Variants in ZHX3 observed in about 807,000 individuals in gnomAD.
ZHX3 encodes the protein zinc fingers and homeoboxes protein 3.
Under a neutral mutation model 64.5 loss-of-function variants are expected in ZHX3, and 20 were observed. The ratio of observed to expected loss-of-function variants is 0.31; its 90% CI spans 0.22 to 0.45. ZHX3 has a LOEUF of 0.45. Among genes scored for constraint, ZHX3 ranks in the 20% least tolerant of loss-of-function variants. The probability of loss-of-function intolerance (pLI) is 1.00; values close to 1 mark genes in which losing one functional copy is unlikely to be tolerated. For synonymous variants in ZHX3, 423 were observed against 461.6 expected, an observed-to-expected ratio of 0.92 and a Z score of 1.07; for missense variants, 1,041 against 1,195.8, an observed-to-expected ratio of 0.87 and a Z score of 1.91.
Position 41,184,311 on chromosome 20 carries a change from C to T in ZHX3, c.*880G>A, listed in dbSNP as rs1267588068. The T allele has an allele frequency of 6.6e-6, 1 of 151,610 alleles. No homozygotes were observed. The highest frequency in any genetic ancestry group is 1.5e-5 in the Non-Finnish European group (1 of 67,766). The allele number at this position is 151,610 out of a possible 1,614,324, so 9.4% of individuals were successfully genotyped here. Reference sequence around the variant, plus strand: ...TACCCCATGTCTTTTTTCCATCTTTCTCTCACTCCAAACATGTCTAGATTA... The same window carrying T: ...TACCCCATGTCTTTTTTCCATCTTTTTCTCACTCCAAACATGTCTAGATTA... On this transcript the variant is annotated 3_prime_UTR_variant, in exon 4 of 4. Transcript: ENST00000683867.
At chr20:41,284,048 T>A (rs1240829738) in intron 1 of ZHX3, among the ~76,000 whole-genome samples, 1 of 152,194 alleles carries the variant, frequency 6.6e-6, no homozygotes, top group Non-Finnish European at 1.5e-5. Flanking sequence ...TAAACAAAAA[T>A]GTCTTTTTCT....
chr20:41,208,221 G>A (rs2038883214), intron 2 of ZHX3, among the ~76,000 whole-genome samples: 1 of 152,134 alleles, frequency 6.6e-6, no homozygotes, highest in South Asian at 2.1e-4. Context: ...ACCAAAAGAA[G>A]TCCAGGACCA....
At chr20:41,268,712 G>T (rs2042982175) in intron 2 of ZHX3, among the ~76,000 whole-genome samples, 1 of 152,166 alleles carries the variant, frequency 6.6e-6, no homozygotes, top group Non-Finnish European at 1.5e-5. Flanking sequence ...ATACTCTTAT[G>T]ATCTCAATGG....
At chr20:41,192,862 G>A (rs753258802) in intron 3 of ZHX3, among the ~76,000 whole-genome samples, 10 of 152,166 alleles carry the variant, frequency 6.6e-5, no homozygotes, top group Admixed American at 1.3e-4. Context: ...TAAGTTTCAG[G>A]GACTGCAAGG....
At chr20:41,196,391 ATTT>A (rs2037517407) in intron 3 of ZHX3, among the ~76,000 whole-genome samples, 1 of 55,264 alleles carries the variant, frequency 1.8e-5, no homozygotes, top group African/African-American at 1.2e-4. Context: ...ATAAATATAT[ATTT>A]ATATATATTA....
intron 2 of ZHX3, among the ~76,000 whole-genome samples, chr20:41,216,652 GT>G: frequency 6.6e-6 from 1 of 152,196 alleles, no homozygotes; most frequent in South Asian, 2.1e-4. Context: ...ATTTCTCCAG[GT>G]TTTTAACTAT....
chr20:41,293,754 G>A (rs2044367056), intron 1 of ZHX3, among the ~76,000 whole-genome samples: 3 of 152,342 alleles, frequency 2.0e-5, no homozygotes, highest in East Asian at 1.9e-4. Flanking sequence ...ACCTGAAGAA[G>A]AGGTGACAAT....
chr20:41,314,879 C>T (rs2045241957), intron 1 of ZHX3, among the ~76,000 whole-genome samples: 2 of 152,034 alleles, frequency 1.3e-5, no homozygotes, highest in African/African-American at 2.4e-5. Flanking sequence ...TATTAAGTAC[C>T]CACAATGGGC....
At chr20:41,254,701 A>G (rs948469918) in intron 2 of ZHX3, 1 of 152,174 alleles carries the variant, frequency 6.6e-6, no homozygotes, top group African/African-American at 2.4e-5. Context: ...TATTGCTTAT[A>G]TTATTTTGCT....
chr20:41,273,397 C>A (rs1018770029), intron 1 of ZHX3, among the ~76,000 whole-genome samples: 1 of 152,036 alleles, frequency 6.6e-6, no homozygotes, highest in African/African-American at 2.4e-5. Context: ...TTTTTTCTTT[C>A]GTTGCTTGTG....
At chr20:41,259,447 T>A (rs1375616713) in intron 2 of ZHX3, among the ~76,000 whole-genome samples, 2 of 152,168 alleles carry the variant, frequency 1.3e-5, no homozygotes, top group East Asian at 3.8e-4. Context: ...CATGTAGTGC[T>A]AGTAAAAAAT....
At chr20:41,221,607 G>A (rs138673412) in intron 2 of ZHX3, among the ~76,000 whole-genome samples, 2 of 152,340 alleles carry the variant, frequency 1.3e-5, no homozygotes, top group African/African-American at 2.4e-5. Flanking sequence ...GAAATTATGT[G>A]TCAGAGCAAA....
At chr20:41,240,090 A>C (rs1346116830) in intron 2 of ZHX3, among the ~76,000 whole-genome samples, 2 of 151,818 alleles carry the variant, frequency 1.3e-5, no homozygotes, top group African/African-American at 2.4e-5. Flanking sequence ...TCTGCCTCCC[A>C]GGTTTAAGCG....
At chr20:41,257,229 G>A (rs1472502632) in intron 2 of ZHX3, among the ~76,000 whole-genome samples, 4 of 152,152 alleles carry the variant, frequency 2.6e-5, no homozygotes, top group African/African-American at 9.7e-5. Flanking sequence ...AGGCTACTAA[G>A]TGGTATCTTG....
chr20:41,212,798 A>C lies in ZHX3; in HGVS notation c.-150-7732T>G, dbSNP rs1002053989. 7.0e-6 allele frequency among the ~76,000 whole-genome samples: 1 copy of C among 143,846 alleles called. No homozygotes were observed. Among genetic ancestry groups the C allele is most frequent in the African/African-American group, 2.6e-5 (1 of 38,346 alleles). 94.4% of individuals were successfully genotyped at this position (143,846 alleles called of 152,430 possible). A position where few individuals can be genotyped will look rare whatever the true frequency, so the allele number is the denominator to read the frequency against. ...GGCAACAAGAGCTAAACTGTGTCTC[A>C]AAAAAAAAAAACCAAAAACAAAACA... On this transcript the variant is annotated intron_variant, in intron 2 of 3. Coordinates refer to ENST00000683867, the MANE Select transcript of ZHX3 (RefSeq NM_001384317.1). The surrounding 1 kb of genome is among the most constrained non-coding windows in gnomAD (Gnocchi z 4.3).
At chr20:41,280,132 C>T (rs569162657) in intron 1 of ZHX3, among the ~76,000 whole-genome samples, 5 of 152,242 alleles carry the variant, frequency 3.3e-5, no homozygotes, top group South Asian at 4.2e-4. Flanking sequence ...AATCCCTGGA[C>T]GTATATCCCT....
At chr20:41,233,456 C>T (rs1201108068) in intron 2 of ZHX3, among the ~76,000 whole-genome samples, 1 of 152,226 alleles carries the variant, frequency 6.6e-6, no homozygotes, top group Non-Finnish European at 1.5e-5. Context: ...GAATCTTTTG[C>T]AGCCCTCTCA....
intron 2 of ZHX3, among the ~76,000 whole-genome samples, chr20:41,255,140 T>C (rs2042177437): frequency 6.6e-6 from 1 of 152,014 alleles, no homozygotes; most frequent in Non-Finnish European, 1.5e-5. Flanking sequence ...CAAAAGGATT[T>C]TGAAAAAATG....
chr20:41,191,994 G>A (rs897399745), intron 3 of ZHX3, among the ~76,000 whole-genome samples: 1 of 152,204 alleles, frequency 6.6e-6, no homozygotes, highest in Non-Finnish European at 1.5e-5. Context: ...GGCTTACTCA[G>A]ATGTCAGTAG....
Sources: gnomAD v4.1 joint callset for allele counts (sites outside exome capture counted in the v4.1 genomes callset) on GRCh38, gnomAD v4.1.1 for gene constraint, Gnocchi (gnomAD v3.1) non-coding constraint, MANE v1.5 for transcripts, NCBI Gene and HGNC (gene_info 2026-07-23, HGNC 2026-07-21) for gene names.